Variants in MYL1 observed in about 807,000 individuals in gnomAD.
MYL1 encodes the protein myosin light chain 1.
A neutral mutation model predicts 21.8 loss-of-function variants in MYL1; 16 were observed. That is an observed-to-expected ratio of 0.74 (90% CI 0.50 to 1.12). The LOEUF (loss-of-function observed/expected upper bound fraction) is 1.12. Among genes scored for constraint, MYL1 ranks in the 50% most tolerant of loss-of-function variants. The pLI, the probability that MYL1 is intolerant of heterozygous loss-of-function variation, is 0.00. For synonymous variants in MYL1, 99 were observed against 85.2 expected (o/e 1.16, Z -0.89); for missense variants, 246 against 241.0 (o/e 1.02, Z -0.14).
chr2:210,314,027 G>A (rs1478638759), intron 1 of MYL1, among the ~76,000 whole-genome samples: 1 of 152,082 alleles, frequency 6.6e-6, no homozygotes, highest in Non-Finnish European at 1.5e-5. Context: ...TGAATGAAGA[G>A]AAGGTGCACA....
chr2:210,302,917 G>A, intron 1 of MYL1: 2 of 937,970 alleles, frequency 2.1e-6, no homozygotes, highest in Non-Finnish European at 3.2e-6. Flanking sequence ...GGCATTAGAA[G>A]GTTGCCTTAG....
In MYL1 at chr2:210,302,495, C is replaced by T. The variant is rs368042681; in HGVS notation, c.153G>A (p.Gln51=). ...SAIKIEFSKE[Q]QDEFKEAFLL... ...CATAGCTTTTAAACTTACCATCCTG[C>T]TGTTCCTTAGAGAACTCGATCTGTT... The change falls in exon 2 of 7, where the codon CAG becomes CAA. Residue 51 remains glutamine, a synonymous_variant. Transcript: ENST00000352451. 3.7e-6 allele frequency: 6 copies of T among 1,609,234 alleles called. No individual in the cohort carries two copies. The highest frequency in any genetic ancestry group is 5.1e-6 in the Non-Finnish European group (6 of 1,178,630).
intron 3 of MYL1, 70 bp from the exon 4 acceptor site, chr2:210,294,488 G>C: frequency 7.0e-7 from 1 of 1,431,248 alleles, no homozygotes; most frequent in Non-Finnish European, 9.5e-7. Context: ...ATTTAAACTT[G>C]AAAAGTTATT....
At chr2:210,293,464 A>G (rs189271062) in intron 5 of MYL1, among the ~76,000 whole-genome samples, 153 of 152,346 alleles carry the variant, frequency 1.0e-3, no homozygotes, top group African/African-American at 3.4e-3. Context: ...TGTCTAACTC[A>G]TAGGGATGTT....
At chr2:210,294,774 G>C (rs1427189303) in intron 3 of MYL1, among the ~76,000 whole-genome samples, 1 of 152,040 alleles carries the variant, frequency 6.6e-6, no homozygotes, top group Non-Finnish European at 1.5e-5. Context: ...TAAACTGAGT[G>C]CTTAATAAGT....
At position 210,294,396 on chromosome 2, in the gene MYL1, C is replaced by A; in HGVS notation, c.327G>T (p.Glu109Asp). 1 of 1,613,798 alleles carries A rather than the reference C, an allele frequency of 6.2e-7. No individual in the cohort carries two copies. The highest frequency in any genetic ancestry group is 8.5e-7 in the Non-Finnish European group (1 of 1,179,820). The change falls in exon 4 of 7, where the codon GAG becomes GAT. Residue 109 changes from glutamate (E) to aspartate (D), a missense_variant. Glu to Asp is a conservative substitution (Grantham distance 45). Transcript: ENST00000352451. ...GCATCATAGGCAGAAATTGTTCAAACTCAATTTTCTTGGCATTCAGCTCTG... is the reference window on the plus strand; with the variant it reads ...GCATCATAGGCAGAAATTGTTCAAAATCAATTTTCTTGGCATTCAGCTCTG... Reference protein sequence around the residue: ...SNEELNAKKIEFEQFLPMMQA... With the variant: ...SNEELNAKKIDFEQFLPMMQA...
At chr2:210,311,355 C>T (rs1690416570) in intron 1 of MYL1, among the ~76,000 whole-genome samples, 1 of 152,062 alleles carries the variant, frequency 6.6e-6, no homozygotes, top group Non-Finnish European at 1.5e-5. Flanking sequence ...TATTTGGGAA[C>T]ATTAGATTTC....
rs770764316 is a variant in MYL1, at chr2:210,291,094, A to G, written c.557-20T>C. On this transcript the variant is annotated intron_variant, in intron 5 of 6. Transcript: ENST00000352451. ...CAAAAGCTGTAGGAGCAAAATAGAC[A>G]AAATAGACAATTTAGAGTTAGGAAA... The G allele has an allele frequency of 1.9e-6, 3 of 1,601,352 alleles. No individual in the cohort carries two copies. The highest frequency in any genetic ancestry group is 2.6e-6 in the Non-Finnish European group (3 of 1,169,634).
At chr2:210,293,292 G>T (rs1690109480) in intron 5 of MYL1, among the ~76,000 whole-genome samples, 1 of 152,176 alleles carries the variant, frequency 6.6e-6, no homozygotes, top group East Asian at 1.9e-4. Context: ...AGGAAAAGAA[G>T]TAAATTTTAC....
chr2:210,307,344 C>G lies in MYL1; in HGVS notation c.133-4829G>C, dbSNP rs1044976479. On this transcript the variant is annotated intron_variant, in intron 1 of 6. Coordinates refer to ENST00000352451, the MANE Select transcript of MYL1 (RefSeq NM_079420.3). ...GAATACCTTGCCTATATTTGAAGCT[C>G]AATAGATTTTCATTAAGTTAAAATT... Among the ~76,000 whole-genome samples the G allele has an allele frequency of 5.9e-5, 9 of 152,248 alleles. No individual in the cohort carries two copies. In the East Asian group the frequency reaches 1.7e-3, roughly 29 times the overall value.
intron 5 of MYL1, among the ~76,000 whole-genome samples, chr2:210,292,161 C>T (rs1337920244): frequency 6.6e-5 from 10 of 152,180 alleles, no homozygotes; most frequent in South Asian, 4.1e-4. Flanking sequence ...CTCCACCTCC[C>T]GGGTTCAAGC....
Position 210,302,494 on chromosome 2 carries a change from G to A in MYL1, c.154C>T (p.Gln52Ter), listed in dbSNP as rs867165223. The A allele has an allele frequency of 6.2e-7, 1 of 1,608,956 alleles. No homozygotes were observed. The highest frequency in any genetic ancestry group is 1.3e-5 in the African/African-American group (1 of 74,526). The change falls in exon 2 of 7, where the codon CAG (glutamine) becomes TAG (stop). Residue 52 changes from glutamine (Q) to a stop codon, truncating the protein, a stop_gained. Coordinates refer to ENST00000352451, the MANE Select transcript of MYL1 (RefSeq NM_079420.3). LOFTEE classifies it high-confidence loss of function. ...CCATAGCTTTTAAACTTACCATCCT[G>A]CTGTTCCTTAGAGAACTCGATCTGT... Reference protein sequence around the residue: ...AIKIEFSKEQQDEFKEAFLLF... With the variant: ...AIKIEFSKEQ
chr2:210,309,666 G>A (rs932067371), intron 1 of MYL1, among the ~76,000 whole-genome samples: 7 of 151,986 alleles, frequency 4.6e-5, no homozygotes, highest in African/African-American at 1.7e-4. Context: ...AGCAGCAGAA[G>A]AAAGTGTAGT....
intron 1 of MYL1, among the ~76,000 whole-genome samples, chr2:210,307,115 G>C (rs1293329716): frequency 4.6e-5 from 7 of 152,040 alleles, no homozygotes; most frequent in African/African-American, 1.7e-4. Context: ...TTTTCTCTCT[G>C]TTTCCCCCAG....
chr2:210,307,047 T>A (rs898320078), intron 1 of MYL1, among the ~76,000 whole-genome samples: 1 of 152,164 alleles, frequency 6.6e-6, no homozygotes, highest in African/African-American at 2.4e-5. Context: ...CATTGCTTCT[T>A]TTTAGAAATT....
At chr2:210,312,236 A>G (rs1003677674) in intron 1 of MYL1, among the ~76,000 whole-genome samples, 1 of 151,974 alleles carries the variant, frequency 6.6e-6, no homozygotes, top group Non-Finnish European at 1.5e-5. Context: ...TTATGATTAA[A>G]CTACAGCATT....
chr2:210,295,374 C>T (rs1022657169), intron 3 of MYL1, among the ~76,000 whole-genome samples: 6 of 152,056 alleles, frequency 3.9e-5, no homozygotes, highest in African/African-American at 1.5e-4. Flanking sequence ...TGGCTCACAC[C>T]TGTAACATCA....
At chr2:210,296,556 C>T (rs758850416) in intron 3 of MYL1, among the ~76,000 whole-genome samples, 3 of 151,966 alleles carry the variant, frequency 2.0e-5, no homozygotes, top group Admixed American at 6.6e-5. Context: ...GAGGCCGAGG[C>T]GGGCAGATGC....
chr2:210,308,423 T>C (rs1454994139), intron 1 of MYL1, among the ~76,000 whole-genome samples: 1 of 137,136 alleles, frequency 7.3e-6, no homozygotes, highest in Non-Finnish European at 1.6e-5. Flanking sequence ...TATATATATA[T>C]ATATATATAT....
Sources: allele counts gnomAD v4.1 joint callset (sites outside exome capture counted in the v4.1 genomes callset), GRCh38; gene constraint gnomAD v4.1.1; transcripts MANE v1.5; gene names NCBI Gene and HGNC (gene_info 2026-07-23, HGNC 2026-07-21).